NELL1: variants seen among roughly 807,000 people sequenced by gnomAD.
NELL1 encodes the protein neural EGFL like 1.
NELL1 carries 76 observed loss-of-function variants against 107.4 expected under a neutral mutation model. The ratio of observed to expected loss-of-function variants is 0.71; its 90% CI spans 0.59 to 0.86. NELL1 has a LOEUF of 0.86. NELL1 is among the 40% of genes least tolerant of loss of function. The pLI is 0.00. For synonymous variants in NELL1, 353 were observed against 341.2 expected (o/e 1.03, Z -0.38); for missense variants, 1,024 against 1,005.5 (o/e 1.02, Z -0.25).
At chr11:21,383,680 T>A (rs1401309952) in intron 15 of NELL1, 2 of 146,630 alleles carry the variant, frequency 1.4e-5, no homozygotes, top group Non-Finnish European at 3.0e-5. Context: ...TATATATATA[T>A]AAATATATCT....
intron 6 of NELL1, 48 bp from the exon 7 acceptor site, chr11:20,919,204 T>G: frequency 2.5e-6 from 3 of 1,185,312 alleles, no homozygotes; most frequent in Non-Finnish European, 3.6e-6. Flanking sequence ...TTTTATTTCT[T>G]ATATTAGCAC....
chr11:20,764,402 G>A (rs1248861096), intron 2 of NELL1, among the ~76,000 whole-genome samples: 4 of 152,004 alleles, frequency 2.6e-5, no homozygotes, highest in Non-Finnish European at 5.9e-5. Flanking sequence ...GAAATATGGT[G>A]GGTTGGGTGA....
intron 12 of NELL1, among the ~76,000 whole-genome samples, chr11:21,053,695 CCA>C (rs1432343731): frequency 6.6e-6 from 1 of 152,116 alleles, no homozygotes; most frequent in Non-Finnish European, 1.5e-5. Flanking sequence ...GAGCATCCTG[CCA>C]CAGTCTCCAT....
At chr11:21,284,620 A>G (rs968516333) in intron 14 of NELL1, 38 of 425,374 alleles carry the variant, frequency 8.9e-5, no homozygotes, top group East Asian at 1.4e-4. Context: ...CTTTATGGCA[A>G]TGTTATCAAC....
intron 13 of NELL1, among the ~76,000 whole-genome samples, chr11:21,196,244 C>CAGTGCTAAG (rs1857148904): frequency 6.6e-6 from 1 of 152,132 alleles, no homozygotes; most frequent in African/African-American, 2.4e-5. Context: ...ATGCCAGGCA[C>CAGTGCTAAG]AGTGCTAAGC....
intron 15 of NELL1, among the ~76,000 whole-genome samples, chr11:21,441,376 TGTGTG>T (rs1268861933): frequency 7.3e-6 from 1 of 136,758 alleles, no homozygotes; most frequent in East Asian, 2.3e-4. Flanking sequence ...TGTGTGTGTG[TGTGTG>T]TTCTATGATA....
At chr11:21,149,762 C>G (rs1590682438) in intron 13 of NELL1, among the ~76,000 whole-genome samples, 1 of 152,174 alleles carries the variant, frequency 6.6e-6, no homozygotes, top group Admixed American at 6.5e-5. Context: ...CACAGAATTT[C>G]CGTTCTCATG....
intron 15 of NELL1, among the ~76,000 whole-genome samples, chr11:21,405,568 C>T (rs1212931595): frequency 1.3e-5 from 2 of 151,948 alleles, no homozygotes; most frequent in African/African-American, 4.8e-5. Flanking sequence ...CAGTTCTGTT[C>T]TTGTACTATT....
At chr11:21,384,489 A>C (rs527417952) in intron 15 of NELL1, among the ~76,000 whole-genome samples, 2 of 151,896 alleles carry the variant, frequency 1.3e-5, no homozygotes, top group East Asian at 3.9e-4. Context: ...GTACATGTGC[A>C]AAATGTGCAG....
At chr11:21,202,996 C>T (rs140175835) in intron 13 of NELL1, among the ~76,000 whole-genome samples, 20 of 150,278 alleles carry the variant, frequency 1.3e-4, no homozygotes, top group East Asian at 2.0e-4. Flanking sequence ...GAGACTGTTA[C>T]GACTTCCGTT....
chr11:21,400,689 C>T (rs550356835), intron 15 of NELL1, among the ~76,000 whole-genome samples: 4 of 152,014 alleles, frequency 2.6e-5, no homozygotes, highest in East Asian at 2.0e-4. Context: ...AATCAGCATG[C>T]GCTTATGTCT....
At chr11:21,117,887 C>T (rs1431340079) in intron 13 of NELL1, among the ~76,000 whole-genome samples, 1 of 152,068 alleles carries the variant, frequency 6.6e-6, no homozygotes, top group Non-Finnish European at 1.5e-5. Context: ...GAACTAATCA[C>T]TAGTTCCATC....
intron 12 of NELL1, among the ~76,000 whole-genome samples, chr11:21,048,652 A>G (rs190208317): frequency 1.3e-5 from 2 of 152,238 alleles, no homozygotes; most frequent in East Asian, 1.9e-4. Flanking sequence ...TCCGGGGGCT[A>G]TGCAAACCAC....
chr11:20,770,189 G>A (rs1410587441), intron 2 of NELL1, among the ~76,000 whole-genome samples: 1 of 152,166 alleles, frequency 6.6e-6, no homozygotes, highest in African/African-American at 2.4e-5. Context: ...ATTTGGAAGG[G>A]TTTGAGGTGG....
chr11:20,995,005 C>G (rs1311899001), intron 12 of NELL1, among the ~76,000 whole-genome samples: 3 of 152,196 alleles, frequency 2.0e-5, no homozygotes, highest in African/African-American at 7.2e-5. Context: ...CAAGTGGCAA[C>G]AGGAGAGATA....
chr11:21,373,586 C>A (rs1227022718), intron 15 of NELL1, among the ~76,000 whole-genome samples: 1 of 152,058 alleles, frequency 6.6e-6, no homozygotes, highest in Non-Finnish European at 1.5e-5. Flanking sequence ...TTTCAAAATT[C>A]AAGTACACTT....
At chr11:21,272,902 T>G (rs1056270157) in intron 14 of NELL1, among the ~76,000 whole-genome samples, 1 of 152,146 alleles carries the variant, frequency 6.6e-6, no homozygotes, top group Non-Finnish European at 1.5e-5. Flanking sequence ...AACCCATCTG[T>G]ACGTCACCAT....
intron 11 of NELL1, among the ~76,000 whole-genome samples, chr11:20,955,621 G>A (rs536772329): frequency 6.6e-6 from 1 of 152,162 alleles, no homozygotes; most frequent in South Asian, 2.1e-4. Flanking sequence ...TCTTTAACAG[G>A]TATAAGGAAC....
chr11:21,315,013 C>T (rs1304517783), intron 14 of NELL1, among the ~76,000 whole-genome samples: 1 of 152,070 alleles, frequency 6.6e-6, no homozygotes, highest in Non-Finnish European at 1.5e-5. Flanking sequence ...TCCACCACCA[C>T]ACCCAGATAA....
Sources: allele counts gnomAD v4.1 joint callset (sites outside exome capture counted in the v4.1 genomes callset), GRCh38; gene constraint gnomAD v4.1.1; transcripts MANE v1.5; gene names NCBI Gene and HGNC (gene_info 2026-07-23, HGNC 2026-07-21).